ITPKB: variants seen among roughly 807,000 people sequenced by gnomAD.
ITPKB encodes IP3 3-kinase B.
In ITPKB, 13 loss-of-function variants were observed where a neutral mutation model predicts 69.4. The ratio of observed to expected loss-of-function variants is 0.19; its 90% CI spans 0.12 to 0.30. The LOEUF is 0.30. Among genes scored for constraint, ITPKB ranks in the 10% least tolerant of loss-of-function variants. The pLI, the probability that ITPKB is intolerant of heterozygous loss-of-function variation, is 1.00. For missense variants in ITPKB, 1,240 were observed against 1,250.5 expected (o/e 0.99, Z 0.13); for synonymous variants, 584 against 513.7 (o/e 1.14, Z -1.85).
chr1:226,665,641 T>C (rs1374821074), intron 2 of ITPKB, among the ~76,000 whole-genome samples: 2 of 151,938 alleles, frequency 1.3e-5, no homozygotes, highest in Non-Finnish European at 2.9e-5. Flanking sequence ...GGGGCTGAGA[T>C]GGAAGCCAGG....
intron 2 of ITPKB, chr1:226,668,899 A>G (rs981268588): frequency 2.6e-5 from 4 of 151,928 alleles, no homozygotes; most frequent in African/African-American, 9.7e-5. Flanking sequence ...ACAGACCACT[A>G]TGAAAGTGTA....
chr1:226,727,349 G>A (rs1218883224), intron 2 of ITPKB, among the ~76,000 whole-genome samples: 2 of 152,170 alleles, frequency 1.3e-5, no homozygotes. Flanking sequence ...GAATGTCAGT[G>A]AAATTGGAAA....
chr1:226,729,268 G>A (rs968257436), intron 2 of ITPKB, among the ~76,000 whole-genome samples: 3 of 152,006 alleles, frequency 2.0e-5, no homozygotes, highest in Non-Finnish European at 4.4e-5. Context: ...AGTATCACAA[G>A]ATCAAGAGAT....
Position 226,700,489 on chromosome 1 carries a change from A to C in ITPKB, c.1932+35038T>G, listed in dbSNP as rs928809866. Among the ~76,000 whole-genome samples the C allele has an allele frequency of 1.1e-4, 17 of 151,122 alleles. No homozygotes were observed. In the East Asian group the frequency reaches 2.7e-3, roughly 24 times the overall value. On this transcript the variant is annotated intron_variant, in intron 2 of 7. Transcript: ENST00000429204. ...TCAAAAAAAAAAAAAAAAAAAAAAA[A>C]AAAAAAACCCAGAACTTTGCAACCT...
At chr1:226,707,908 A>G (rs979927098) in intron 2 of ITPKB, 3 of 1,334,946 alleles carry the variant, frequency 2.2e-6, no homozygotes, top group South Asian at 2.4e-5. Context: ...ACACTTCCCA[A>G]GAAGTCACTA....
chr1:226,725,884 C>T (rs756232183), intron 2 of ITPKB, among the ~76,000 whole-genome samples: 3 of 152,218 alleles, frequency 2.0e-5, no homozygotes, highest in Non-Finnish European at 4.4e-5. Context: ...CCGTCCACCT[C>T]AGAACTGGCT....
rs142971000 is a variant in ITPKB at position 226,699,552 on chromosome 1, G to A, written c.1932+35975C>T. 5.8e-3 allele frequency among the ~76,000 whole-genome samples: 882 copies of A among 152,278 alleles called. 12 individuals are homozygous for A. The highest frequency in any genetic ancestry group is 0.019 in the African/African-American group (795 of 41,554). On this transcript the variant is annotated intron_variant, in intron 2 of 7. Transcript: ENST00000429204. ...ATATATTAATAGCACTTACCTCACA[G>A]GGTCATTAGGAGGACTAAATAAGCC...
At chr1:226,712,834 T>C (rs1160015609) in intron 2 of ITPKB, among the ~76,000 whole-genome samples, 1 of 152,112 alleles carries the variant, frequency 6.6e-6, no homozygotes, top group Non-Finnish European at 1.5e-5. Flanking sequence ...GCACCCTGAG[T>C]GTCTGCTTGG....
At chr1:226,708,512 G>A (rs919823253) in intron 2 of ITPKB, among the ~76,000 whole-genome samples, 3 of 152,176 alleles carry the variant, frequency 2.0e-5, no homozygotes, top group African/African-American at 7.2e-5. Context: ...GATATCTGCT[G>A]GGAGCCTTCT....
chr1:226,645,817 T>C (rs1455056878), intron 4 of ITPKB, among the ~76,000 whole-genome samples: 2 of 152,134 alleles, frequency 1.3e-5, no homozygotes, highest in African/African-American at 2.4e-5. Context: ...GGAACTTGGA[T>C]GGTGGGAGGG....
intron 2 of ITPKB, among the ~76,000 whole-genome samples, chr1:226,654,805 T>A (rs1669258850): frequency 6.6e-6 from 1 of 152,178 alleles, no homozygotes; most frequent in Non-Finnish European, 1.5e-5. Context: ...AACACTGCCT[T>A]CAACAAATCA....
chr1:226,712,260 T>C (rs528013831), intron 2 of ITPKB, among the ~76,000 whole-genome samples: 1 of 152,312 alleles, frequency 6.6e-6, no homozygotes, highest in South Asian at 2.1e-4. Flanking sequence ...CCCCCTGTCC[T>C]GGCAGCCCAG....
At chr1:226,707,909 G>T (rs767355779) in intron 2 of ITPKB, 1 of 1,333,956 alleles carries the variant, frequency 7.5e-7, no homozygotes, top group Non-Finnish European at 9.9e-7. Context: ...CACTTCCCAA[G>T]AAGTCACTAA....
At chr1:226,671,498 C>A (rs1044684656) in intron 2 of ITPKB, among the ~76,000 whole-genome samples, 4 of 152,184 alleles carry the variant, frequency 2.6e-5, no homozygotes, top group African/African-American at 9.7e-5. Context: ...CTGTTCTAGC[C>A]GCAGGTGATT....
chr1:226,635,140 A>T (rs1404228106), intron 7 of ITPKB, among the ~76,000 whole-genome samples: 2 of 151,706 alleles, frequency 1.3e-5, no homozygotes, highest in Non-Finnish European at 2.9e-5. Context: ...TCACCCCCTG[A>T]CTCTGGCCTG....
intron 2 of ITPKB, among the ~76,000 whole-genome samples, chr1:226,680,033 C>T (rs762410500): frequency 5.9e-5 from 9 of 152,226 alleles, no homozygotes; most frequent in Admixed American, 2.0e-4. Context: ...GTCTGCGCCT[C>T]CGACCAGCTT....
At chr1:226,718,811 G>A (rs977760829) in intron 2 of ITPKB, among the ~76,000 whole-genome samples, 4 of 152,314 alleles carry the variant, frequency 2.6e-5, no homozygotes, top group South Asian at 4.1e-4. Flanking sequence ...TGGCAGTTTC[G>A]TAAAATATGA....
chr1:226,716,016 G>T (rs1395035245), intron 2 of ITPKB, among the ~76,000 whole-genome samples: 1 of 152,152 alleles, frequency 6.6e-6, no homozygotes, highest in African/African-American at 2.4e-5. Flanking sequence ...TTGCCAAGTT[G>T]GCCAGGCTGG....
At chr1:226,667,668 G>T (rs1170647702) in intron 2 of ITPKB, among the ~76,000 whole-genome samples, 3 of 152,220 alleles carry the variant, frequency 2.0e-5, no homozygotes, top group Non-Finnish European at 4.4e-5. Context: ...GATGCACTGG[G>T]CACAGCTGTG....
Sources: gnomAD v4.1 joint callset for allele counts (sites outside exome capture counted in the v4.1 genomes callset) on GRCh38, gnomAD v4.1.1 for gene constraint, MANE v1.5 for transcripts, NCBI Gene and HGNC (gene_info 2026-07-23, HGNC 2026-07-21) for gene names.